Variants in SNX29 observed in about 807,000 individuals in gnomAD.
SNX29 encodes sorting nexin 29.
Under a neutral mutation model 102.1 loss-of-function variants are expected in SNX29, and 78 were observed. That is an observed-to-expected ratio of 0.76 (90% confidence interval 0.64 to 0.92). SNX29 has a LOEUF of 0.92. Ranked by LOEUF, SNX29 falls within the 40% of genes least tolerant of loss-of-function variation. The pLI, the probability that SNX29 is intolerant of heterozygous loss-of-function variation, is 0.00. For missense variants in SNX29, 1,280 were observed against 1,061.7 expected (o/e 1.21, Z -2.86); for synonymous variants, 580 against 414.5 (o/e 1.40, Z -4.85).
intron 15 of SNX29, among the ~76,000 whole-genome samples, chr16:12,326,465 G>A (rs959584249): frequency 2.0e-5 from 3 of 151,962 alleles, no homozygotes; most frequent in South Asian, 2.1e-4. Flanking sequence ...GGGCTGTGTC[G>A]GAAACATGTC....
At chr16:12,238,000 T>C (rs535995945) in intron 14 of SNX29, among the ~76,000 whole-genome samples, 1 of 152,300 alleles carries the variant, frequency 6.6e-6, no homozygotes, top group African/African-American at 2.4e-5. Context: ...GGCAGGCTTT[T>C]GTGACATGCA....
Position 12,412,128 on chromosome 16 carries a change from G to A in SNX29, c.2037+8599G>A, listed in dbSNP as rs187599863. On this transcript the variant is annotated intron_variant, in intron 18 of 20. Coordinates refer to ENST00000566228, the MANE Select transcript of SNX29 (RefSeq NM_032167.5). ...GTTACATGAGGCTTTGCGGAGGGGT[G>A]GGAGAGCCGGCCATCGGGTAGGACG... 9.2e-5 allele frequency among the ~76,000 whole-genome samples: 14 copies of A among 152,262 alleles called. No individual in the cohort carries two copies. In the East Asian group the frequency reaches 2.1e-3, roughly 23 times the overall value.
chr16:12,064,434 C>G (rs1399418545), intron 9 of SNX29, among the ~76,000 whole-genome samples: 1 of 152,240 alleles, frequency 6.6e-6, no homozygotes, highest in African/African-American at 2.4e-5. Flanking sequence ...AGAGTCAGCT[C>G]CATCTTCTCA....
intron 20 of SNX29, among the ~76,000 whole-genome samples, chr16:12,543,213 C>T (rs1423312037): frequency 1.3e-5 from 2 of 152,190 alleles, no homozygotes; most frequent in East Asian, 1.9e-4. Context: ...CACGTTGCTC[C>T]TGATAGCTGT....
intron 20 of SNX29, among the ~76,000 whole-genome samples, chr16:12,537,830 A>T (rs748867679): frequency 1.8e-4 from 27 of 152,098 alleles, no homozygotes; most frequent in Non-Finnish European, 8.8e-5. Flanking sequence ...GCATATAAGA[A>T]GTTGTCTGGC....
intron 20 of SNX29, among the ~76,000 whole-genome samples, chr16:12,543,829 C>T (rs559972064): frequency 2.6e-4 from 40 of 152,328 alleles, no homozygotes; most frequent in South Asian, 6.2e-4. Context: ...GGGACACCTT[C>T]GTATTTGGAA....
chr16:12,418,981 A>C (rs916968398), intron 18 of SNX29, among the ~76,000 whole-genome samples: 3 of 152,168 alleles, frequency 2.0e-5, no homozygotes, highest in Admixed American at 6.5e-5. Context: ...GACTGAGTGG[A>C]AAGAAGGGGC....
chr16:12,027,318 A>G lies in SNX29; in HGVS notation c.123-2A>G, dbSNP rs1254067717. Reference sequence around the variant, plus strand: ...ACTGATGAGTCATTGGTTTTCTCACAGGGTCACCTGTCTGTGTGCCCAGTT... The same window carrying G: ...ACTGATGAGTCATTGGTTTTCTCACGGGGTCACCTGTCTGTGTGCCCAGTT... On this transcript the variant is annotated splice_acceptor_variant, in intron 3 of 20. Coordinates refer to ENST00000566228, the MANE Select transcript of SNX29 (RefSeq NM_032167.5). LOFTEE classifies it high-confidence loss of function. 1 of 1,613,494 alleles carries G rather than the reference A, an allele frequency of 6.2e-7. No homozygotes were observed. Among genetic ancestry groups the G allele is most frequent in the Non-Finnish European group, 8.5e-7 (1 of 1,179,618 alleles).
intron 13 of SNX29, among the ~76,000 whole-genome samples, chr16:12,156,905 C>A (rs1273089677): frequency 2.0e-5 from 3 of 152,134 alleles, no homozygotes; most frequent in Non-Finnish European, 4.4e-5. Context: ...GGCATTTTCA[C>A]TTCTGTGGGG....
intron 19 of SNX29, among the ~76,000 whole-genome samples, chr16:12,499,888 G>A (rs1480248830): frequency 6.6e-6 from 1 of 152,126 alleles, no homozygotes; most frequent in Non-Finnish European, 1.5e-5. Context: ...TGTTGCCCAG[G>A]CTGGTCTCAA....
chr16:12,564,912 G>A (rs1415259051), intron 20 of SNX29, among the ~76,000 whole-genome samples: 1 of 138,428 alleles, frequency 7.2e-6, no homozygotes, highest in Non-Finnish European at 1.5e-5. Flanking sequence ...TCTGCAGCAG[G>A]GACTGGAGGG....
At chr16:12,363,551 G>C (rs72771506) in intron 16 of SNX29, among the ~76,000 whole-genome samples, 1 of 152,154 alleles carries the variant, frequency 6.6e-6, no homozygotes, top group African/African-American at 2.4e-5. Context: ...GTGAAACAGT[G>C]CTCTCTGTGC....
At chr16:12,345,511 G>A (rs1310448637) in intron 15 of SNX29, among the ~76,000 whole-genome samples, 3 of 152,238 alleles carry the variant, frequency 2.0e-5, no homozygotes, top group Non-Finnish European at 4.4e-5. Flanking sequence ...TCTGTGGCCA[G>A]TTGGAGCACT....
chr16:12,075,849 C>T (rs957505760), intron 10 of SNX29, among the ~76,000 whole-genome samples: 8 of 152,224 alleles, frequency 5.3e-5, no homozygotes, highest in African/African-American at 1.9e-4. Flanking sequence ...GCTTTGTTTA[C>T]CTAAGGGAGC....
At chr16:12,032,995 C>G (rs1297132327) in intron 4 of SNX29, among the ~76,000 whole-genome samples, 1 of 152,032 alleles carries the variant, frequency 6.6e-6, no homozygotes, top group Non-Finnish European at 1.5e-5. Flanking sequence ...GCTGGGATTA[C>G]AGGCGTGCGC....
Position 12,457,006 on chromosome 16 carries a change from T to G in SNX29, c.2038-20713T>G, listed in dbSNP as rs576606299. ...CAGAGTTGATTGTGATACTCGAGGC[T>G]TCCTTTGCCATAATGCCACCCTCTT... On this transcript the variant is annotated intron_variant, in intron 18 of 20. Coordinates refer to ENST00000566228, the MANE Select transcript of SNX29 (RefSeq NM_032167.5). Among the ~76,000 whole-genome samples the G allele has an allele frequency of 3.3e-5, 5 of 152,304 alleles. No individual in the cohort carries two copies. The South Asian group carries it at 1.0e-3, about 32-fold the overall frequency.
intron 20 of SNX29, among the ~76,000 whole-genome samples, chr16:12,535,624 C>T (rs1011918192): frequency 6.6e-6 from 1 of 152,136 alleles, no homozygotes; most frequent in Admixed American, 6.6e-5. Context: ...TCAGTCACAC[C>T]AACATGAAGC....
intron 20 of SNX29, among the ~76,000 whole-genome samples, chr16:12,550,931 A>C (rs924623097): frequency 1.3e-5 from 2 of 152,190 alleles, no homozygotes; most frequent in Non-Finnish European, 2.9e-5. Flanking sequence ...AGTGGAAATA[A>C]ATTTTTAGTT....
rs370015885 is a variant in SNX29, at chr16:12,079,097, C to A, written c.1402+182C>A. Among the ~76,000 whole-genome samples the A allele has an allele frequency of 3.9e-5, 6 of 152,316 alleles. No homozygotes were observed. In the East Asian group the frequency reaches 9.6e-4, roughly 24 times the overall value. On this transcript the variant is annotated intron_variant, in intron 11 of 20. Transcript: ENST00000566228. ...ATCCAGAACCGTGGTTAATGCGTGG[C>A]GCTTGGGCGTGTGCGCGCTAAAGGG...
Sources: allele counts gnomAD v4.1 joint callset (sites outside exome capture counted in the v4.1 genomes callset), GRCh38; gene constraint gnomAD v4.1.1; transcripts MANE v1.5; gene names NCBI Gene and HGNC (gene_info 2026-07-23, HGNC 2026-07-21).